USP40: variants seen among roughly 807,000 people sequenced by gnomAD.
USP40 encodes the protein ubiquitin carboxyl-terminal hydrolase 40.
USP40 carries 143 observed loss-of-function variants against 166.2 expected under a neutral mutation model. That is an observed-to-expected ratio of 0.86 (90% CI 0.75 to 0.99). USP40 has a LOEUF of 0.99. USP40 is among the 50% of genes least tolerant of loss of function. The pLI is 0.00. For synonymous variants in USP40, 498 were observed against 524.0 expected, an observed-to-expected ratio of 0.95 and a Z score of 0.68; for missense variants, 1,444 against 1,479.7, an observed-to-expected ratio of 0.98 and a Z score of 0.40.
intron 5 of USP40, among the ~76,000 whole-genome samples, chr2:233,555,844 G>A (rs2071028648): frequency 6.6e-6 from 1 of 152,004 alleles, no homozygotes; most frequent in Non-Finnish European, 1.5e-5. Context: ...GCCAGGCGCG[G>A]TGGCTCATGC....
intron 7 of USP40, among the ~76,000 whole-genome samples, chr2:233,549,859 C>T (rs974674097): frequency 5.9e-5 from 9 of 152,138 alleles, no homozygotes; most frequent in Non-Finnish European, 1.2e-4. Context: ...CTATGATCAA[C>T]ATTTTCTATA....
intron 31 of USP40, among the ~76,000 whole-genome samples, chr2:233,479,874 G>A (rs926243686): frequency 2.0e-5 from 3 of 152,252 alleles, no homozygotes; most frequent in Middle Eastern, 3.4e-3. Flanking sequence ...CCCAGACCCC[G>A]GAGAGCAGAG....
intron 23 of USP40, among the ~76,000 whole-genome samples, chr2:233,497,594 TG>T (rs1196024374): frequency 1.3e-5 from 2 of 152,232 alleles, no homozygotes; most frequent in Non-Finnish European, 2.9e-5. Context: ...CTGGCAAGGC[TG>T]GAACGAGAAG....
chr2:233,532,153 G>A (rs1464238463), intron 11 of USP40, among the ~76,000 whole-genome samples: 1 of 152,160 alleles, frequency 6.6e-6, no homozygotes, highest in African/African-American at 2.4e-5. Flanking sequence ...AAATAAGACT[G>A]AGCAACAAAT....
chr2:233,523,041 T>C, intron 16 of USP40, 129 bp downstream of exon 16: 1 of 1,071,638 alleles, frequency 9.3e-7, no homozygotes, highest in Non-Finnish European at 1.3e-6. Context: ...ATGCAATATT[T>C]AGAACATAAT....
chr2:233,493,566 A>G lies in USP40; in HGVS notation c.2791-15T>C. 1 of 1,604,008 alleles carries G rather than the reference A, an allele frequency of 6.2e-7. No homozygotes were observed. The highest frequency in any genetic ancestry group is 8.5e-7 in the Non-Finnish European group (1 of 1,174,560). ...TTCAGGAAACCCTGAAGAATGGAGC[A>G]TGTTTAACTGCTGTGATTACAAAGA... On this transcript the variant is annotated splice_polypyrimidine_tract_variant and intron_variant, in intron 24 of 31. Coordinates refer to ENST00000678225, the MANE Select transcript of USP40 (RefSeq NM_001365479.2). This position sits in a 1 kb window ranked among gnomAD's most constrained non-coding sequence, Gnocchi z 4.7.
At position 233,477,407 on chromosome 2, in the gene USP40, C is replaced by A. The variant is rs759693587; in HGVS notation, c.3696G>T (p.Val1232=). 1 of 1,613,672 alleles carries A rather than the reference C, an allele frequency of 6.2e-7. No homozygotes were observed. Among genetic ancestry groups the A allele is most frequent in the South Asian group, 1.1e-5 (1 of 91,064 alleles). Residue 1232 remains valine, a synonymous_variant, in exon 32 of 32, where the codon GTG becomes GTT. Transcript: ENST00000678225. ...RAPETSLSIH[V]GSFR ...AGCGGCGCGGTTATCTGAAGCTCCC[C>A]ACGTGGATGGAGAGAGAAGTTTCCG...
chr2:233,508,628 T>C (rs1276596537), intron 21 of USP40, among the ~76,000 whole-genome samples: 1 of 152,216 alleles, frequency 6.6e-6, no homozygotes, highest in Non-Finnish European at 1.5e-5. Context: ...CCTAGGTTCA[T>C]TAATTTATTA....
chr2:233,477,374 A>C lies in USP40; in HGVS notation c.*18T>G, dbSNP rs1559204505. On this transcript the variant is annotated 3_prime_UTR_variant, in exon 32 of 32. Coordinates refer to ENST00000678225, the MANE Select transcript of USP40 (RefSeq NM_001365479.2). ...CAGCCGGAGAGTTCATCGGGAGTAG[A>C]GCCGTGCAGCGGCGCGGTTATCTGA... 6.2e-7 allele frequency: 1 copy of C among 1,610,222 alleles called. No homozygotes were observed. The highest frequency in any genetic ancestry group is 2.2e-5 in the East Asian group (1 of 44,832).
intron 24 of USP40, among the ~76,000 whole-genome samples, chr2:233,494,915 C>CATTTTTATATAT (rs1265219527): frequency 1.8e-4 from 2 of 11,370 alleles, no homozygotes; most frequent in Non-Finnish European, 3.4e-4. Context: ...AGCAAAATGG[C>CATTTTTATATAT]ATATATATAT....
intron 4 of USP40, among the ~76,000 whole-genome samples, chr2:233,559,326 T>C (rs1045479605): frequency 1.3e-5 from 2 of 152,244 alleles, no homozygotes; most frequent in African/African-American, 4.8e-5. Context: ...ACCATTTCAC[T>C]TTTTTGACTG....
chr2:233,514,260 T>C (rs1559241597), intron 18 of USP40, among the ~76,000 whole-genome samples: 1 of 152,036 alleles, frequency 6.6e-6, no homozygotes, highest in African/African-American at 2.4e-5. Context: ...GCAGCTACAG[T>C]GATAAATGCT....
intron 10 of USP40, among the ~76,000 whole-genome samples, chr2:233,534,172 G>T (rs1156343901): frequency 6.6e-6 from 1 of 152,154 alleles, no homozygotes; most frequent in Non-Finnish European, 1.5e-5. Context: ...AAGATAATTT[G>T]AAAACCCAGA....
intron 24 of USP40, among the ~76,000 whole-genome samples, chr2:233,496,499 A>G (rs1391810745): frequency 6.6e-6 from 1 of 152,248 alleles, no homozygotes; most frequent in Non-Finnish European, 1.5e-5. Context: ...TATGATGATT[A>G]TTTTTGGATT....
At chr2:233,563,245 C>A (rs1575356396) in intron 2 of USP40, among the ~76,000 whole-genome samples, 2 of 152,110 alleles carry the variant, frequency 1.3e-5, no homozygotes, top group African/African-American at 4.8e-5. Flanking sequence ...GTGAAAATGT[C>A]TTTTCCGTGT....
intron 8 of USP40, among the ~76,000 whole-genome samples, chr2:233,543,382 G>A: frequency 6.6e-6 from 1 of 152,182 alleles, no homozygotes. Flanking sequence ...GAACATCAGG[G>A]AAAACTCTTC....
At chr2:233,510,913 C>T in intron 20 of USP40, among the ~76,000 whole-genome samples, 1 of 152,274 alleles carries the variant, frequency 6.6e-6, no homozygotes, top group Non-Finnish European at 1.5e-5. Context: ...TTCCTCATAG[C>T]CCTGCTTTTC....
intron 10 of USP40, among the ~76,000 whole-genome samples, chr2:233,539,265 C>A (rs187147270): frequency 4.4e-4 from 66 of 151,180 alleles, no homozygotes; most frequent in African/African-American, 1.5e-3. Flanking sequence ...ATCAATTTGA[C>A]CTAGTTGTCA....
intron 1 of USP40, among the ~76,000 whole-genome samples, chr2:233,566,401 TA>T (rs901782326): frequency 5.9e-5 from 9 of 152,054 alleles, no homozygotes; most frequent in African/African-American, 1.9e-4. Context: ...AGAAGAAAAC[TA>T]AAAAAACACA....
Sources: allele counts gnomAD v4.1 joint callset (sites outside exome capture counted in the v4.1 genomes callset), GRCh38; gene constraint gnomAD v4.1.1; non-coding constraint Gnocchi (gnomAD v3.1); transcripts MANE v1.5; gene names NCBI Gene and HGNC (gene_info 2026-07-23, HGNC 2026-07-21).